Variants in CADM2 observed in about 807,000 individuals in gnomAD.
CADM2 encodes immunoglobulin superfamily member 4D.
Under a neutral mutation model 49.8 loss-of-function variants are expected in CADM2, and 12 were observed. The observed-to-expected ratio is 0.24, with a 90% CI of 0.15 to 0.39. CADM2 has a LOEUF of 0.39. Among genes scored for constraint, CADM2 ranks in the 10% least tolerant of loss-of-function variants. The probability of loss-of-function intolerance (pLI) is 1.00; values close to 1 mark genes in which losing one functional copy is unlikely to be tolerated. For missense variants in CADM2, 378 were observed against 492.3 expected (o/e 0.77, Z 2.20); for synonymous variants, 214 against 175.4 (o/e 1.22, Z -1.74).
intron 1 of CADM2, among the ~76,000 whole-genome samples, chr3:85,543,864 T>C (rs2061605254): frequency 6.6e-6 from 1 of 152,136 alleles, no homozygotes; most frequent in Non-Finnish European, 1.5e-5. Flanking sequence ...TCTCCACCTT[T>C]CAACACTGTC....
intron 3 of CADM2, among the ~76,000 whole-genome samples, chr3:85,851,691 G>C (rs2108293474): frequency 6.7e-6 from 1 of 150,050 alleles, no homozygotes; most frequent in Non-Finnish European, 1.5e-5. Context: ...ACATTTAACT[G>C]AGACCAGAAA....
chr3:85,617,809 G>T (rs1002882061), intron 1 of CADM2, among the ~76,000 whole-genome samples: 45 of 152,218 alleles, frequency 3.0e-4, no homozygotes, highest in Non-Finnish European at 4.3e-4. Context: ...GGTAGGATAT[G>T]GGGTTGAAAA....
At chr3:85,852,303 T>C (rs575638884) in intron 3 of CADM2, among the ~76,000 whole-genome samples, 1 of 152,264 alleles carries the variant, frequency 6.6e-6, no homozygotes, top group East Asian at 1.9e-4. Context: ...AATGCATGAA[T>C]TAATAGATAA....
At chr3:85,328,549 G>T (rs1371571966) in intron 1 of CADM2, among the ~76,000 whole-genome samples, 1 of 152,130 alleles carries the variant, frequency 6.6e-6, no homozygotes, top group African/African-American at 2.4e-5. Flanking sequence ...GATAAAGCAG[G>T]ATGGCCAAAT....
At chr3:85,587,846 G>A (rs1274954078) in intron 1 of CADM2, among the ~76,000 whole-genome samples, 40 of 151,954 alleles carry the variant, frequency 2.6e-4, no homozygotes, top group Admixed American at 2.6e-3. Context: ...CAGTACTCAA[G>A]CTATCCTCCC....
intron 1 of CADM2, among the ~76,000 whole-genome samples, chr3:85,377,346 C>G (rs1434649560): frequency 6.6e-6 from 1 of 152,020 alleles, no homozygotes; most frequent in Non-Finnish European, 1.5e-5. Context: ...TCATTAGTGA[C>G]AGAGGCTGGG....
intron 3 of CADM2, among the ~76,000 whole-genome samples, chr3:85,831,560 A>T (rs943333455): frequency 2.6e-5 from 4 of 152,010 alleles, no homozygotes; most frequent in African/African-American, 9.7e-5. Flanking sequence ...TGTGGCTTTG[A>T]TGTGCATTTA....
chr3:85,847,906 T>A (rs1376744336), intron 3 of CADM2, among the ~76,000 whole-genome samples: 1 of 152,162 alleles, frequency 6.6e-6, no homozygotes. Flanking sequence ...TAGCCACCTA[T>A]TTTTTTCTAG....
intron 1 of CADM2, among the ~76,000 whole-genome samples, chr3:85,366,449 TTTATAATAAATA>T (rs2032791054): frequency 2.0e-5 from 3 of 152,270 alleles, no homozygotes; most frequent in Admixed American, 1.3e-4. Flanking sequence ...AACCAAGTGT[TTTATAATAAATA>T]TGACAATGCA....
At chr3:85,318,853 G>T (rs563134813) in intron 1 of CADM2, among the ~76,000 whole-genome samples, 1 of 151,932 alleles carries the variant, frequency 6.6e-6, no homozygotes, top group African/African-American at 2.4e-5. Flanking sequence ...CCAATATTAC[G>T]TTCCTTTTCT....
intron 1 of CADM2, among the ~76,000 whole-genome samples, chr3:85,290,602 A>G (rs1263073846): frequency 6.6e-6 from 1 of 152,234 alleles, no homozygotes; most frequent in Non-Finnish European, 1.5e-5. Context: ...GAGAAGGGGC[A>G]GACTGCCTCC....
chr3:85,761,175 T>C (rs2107901531), intron 2 of CADM2, among the ~76,000 whole-genome samples: 1 of 152,222 alleles, frequency 6.6e-6, no homozygotes, highest in Admixed American at 6.5e-5. Context: ...TTGATTGGAC[T>C]ATTTTGTGTC....
intron 8 of CADM2, among the ~76,000 whole-genome samples, chr3:86,040,452 C>G (rs997434791): frequency 6.6e-6 from 1 of 152,078 alleles, no homozygotes; most frequent in African/African-American, 2.4e-5. Context: ...GCCTCAGTAG[C>G]TGATTCGATC....
At chr3:85,942,640 C>T (rs1211331822) in intron 7 of CADM2, among the ~76,000 whole-genome samples, 2 of 151,704 alleles carry the variant, frequency 1.3e-5, no homozygotes, top group Non-Finnish European at 2.9e-5. Context: ...CAGTTTCATC[C>T]ATGTCCCTAC....
chr3:85,736,636 G>C (rs1006573224), intron 2 of CADM2, among the ~76,000 whole-genome samples: 1 of 151,678 alleles, frequency 6.6e-6, no homozygotes, highest in Admixed American at 6.6e-5. Context: ...TTTCTGTTGG[G>C]TTTTTTTTCA....
At chr3:85,505,101 G>T (rs1288348037) in intron 1 of CADM2, among the ~76,000 whole-genome samples, 1 of 152,142 alleles carries the variant, frequency 6.6e-6, no homozygotes, top group East Asian at 1.9e-4. Context: ...CTCCGGCCTT[G>T]GCCAGCCCAG....
At chr3:85,120,704 C>T (rs1575916378) in intron 1 of CADM2, among the ~76,000 whole-genome samples, 1 of 152,000 alleles carries the variant, frequency 6.6e-6, no homozygotes, top group Non-Finnish European at 1.5e-5. Context: ...GGAGGGATAG[C>T]CTTAGGAGAA....
At chr3:85,787,898 C>T (rs1233526867) in intron 2 of CADM2, among the ~76,000 whole-genome samples, 1 of 152,042 alleles carries the variant, frequency 6.6e-6, no homozygotes. Context: ...TGATATTTTT[C>T]AGTTCTTTCA....
At chr3:85,937,398 A>T in intron 7 of CADM2, among the ~76,000 whole-genome samples, 1 of 151,912 alleles carries the variant, frequency 6.6e-6, no homozygotes, top group East Asian at 1.9e-4. Flanking sequence ...TTTTGCAAAT[A>T]GATAAAGGAA....
Sources: gnomAD v4.1 joint callset for allele counts (sites outside exome capture counted in the v4.1 genomes callset) on GRCh38, gnomAD v4.1.1 for gene constraint, MANE v1.5 for transcripts, NCBI Gene and HGNC (gene_info 2026-07-23, HGNC 2026-07-21) for gene names.